The following BICDL1 variants were observed in gnomAD, a reference collection of about 807,000 sequenced individuals.
The protein encoded by BICDL1 is BICD family like cargo adaptor 1, also known as BICD family-like cargo adapter 1.
BICDL1 carries 20 observed loss-of-function variants against 76.8 expected under a neutral mutation model. That is an observed-to-expected ratio of 0.26 (90% CI 0.18 to 0.38). BICDL1 has a LOEUF of 0.38. BICDL1 is among the 10% of genes least tolerant of loss of function. BICDL1 has a pLI of 1.00. For synonymous variants in BICDL1, 383 were observed against 337.1 expected, an observed-to-expected ratio of 1.14 and a Z score of -1.49; for missense variants, 700 against 798.6, an observed-to-expected ratio of 0.88 and a Z score of 1.49.
intron 6 of BICDL1, 98 bp downstream of exon 6, chr12:120,072,827 C>A: frequency 1.0e-6 from 1 of 978,946 alleles, no homozygotes; most frequent in Non-Finnish European, 1.5e-6. Context: ...GGAACTGGAA[C>A]CCTATAAAAT....
Position 120,064,873 on chromosome 12 carries a change from C to A in BICDL1, c.903C>A (p.Asp301Glu), listed in dbSNP as rs754517970. ...TGGAGAGGCAGGGCCATGACAAGGA[C>A]CTACAGGTACTGGGGTAGAGAAGCT... ...LILERQGHDK[D>E]LQLHQSQLEL... The change falls in exon 4 of 10, where the codon GAC becomes GAA. Residue 301 changes from aspartate to glutamate, a missense_variant. Around this residue, in one of 3 missense-constraint regions of BICDL1, gnomAD observed 455 missense variants for 548.7 expected, o/e 0.83. Transcript: ENST00000548673. The A allele has an allele frequency of 3.1e-6, 5 of 1,607,504 alleles. No homozygotes were observed. The highest frequency in any genetic ancestry group is 4.2e-6 in the Non-Finnish European group (5 of 1,177,508).
intron 6 of BICDL1, among the ~76,000 whole-genome samples, chr12:120,074,115 G>A (rs551695267): frequency 2.7e-4 from 41 of 152,028 alleles, no homozygotes; most frequent in East Asian, 2.3e-3. Flanking sequence ...GGGTTTCACC[G>A]TGTTAGCCAG....
intron 5 of BICDL1, 90 bp from the exon 6 acceptor site, chr12:120,072,421 A>G (rs1873177788): frequency 8.6e-7 from 1 of 1,157,614 alleles, no homozygotes; most frequent in Non-Finnish European, 1.3e-6. Context: ...TGTCTTGGGT[A>G]TCAGTATTTT....
Position 120,016,773 on chromosome 12 carries a change from A to T in BICDL1, c.645+18037A>T, listed in dbSNP as rs1321511602. ...ACTTATTTTCAAAGAAGCTTGTACCAGTTTATATTCCTACCAACAATGCGT... is the reference window on the plus strand; with the variant it reads ...ACTTATTTTCAAAGAAGCTTGTACCTGTTTATATTCCTACCAACAATGCGT... On this transcript the variant is annotated intron_variant, in intron 2 of 9. Transcript: ENST00000548673. Among the ~76,000 whole-genome samples, 3 of 152,164 alleles carry T rather than the reference A, an allele frequency of 2.0e-5. No individual in the cohort carries two copies. The South Asian group carries it at 6.2e-4, about 32-fold the overall frequency.
At chr12:120,051,389 C>T (rs968823577) in intron 2 of BICDL1, among the ~76,000 whole-genome samples, 3 of 152,230 alleles carry the variant, frequency 2.0e-5, no homozygotes, top group African/African-American at 4.8e-5. Context: ...AACATAGCAG[C>T]GTTGTCTTAT....
chr12:120,084,826 G>A (rs545610655), intron 8 of BICDL1, among the ~76,000 whole-genome samples: 1 of 151,320 alleles, frequency 6.6e-6, no homozygotes, highest in East Asian at 2.0e-4. Context: ...GGAGGCAGAA[G>A]TTGTAGTGAG....
chr12:120,014,019 G>A (rs1335292585), intron 2 of BICDL1, among the ~76,000 whole-genome samples: 1 of 152,192 alleles, frequency 6.6e-6, no homozygotes, highest in African/African-American at 2.4e-5. Context: ...TAAGGCCGTA[G>A]GAGGATGTGA....
chr12:120,077,318 G>A (rs967080912), intron 7 of BICDL1, among the ~76,000 whole-genome samples: 11 of 152,200 alleles, frequency 7.2e-5, no homozygotes, highest in Non-Finnish European at 1.6e-4. Context: ...AGTCCTTCCT[G>A]TGGTGGTGTG....
At position 120,015,139 on chromosome 12, in the gene BICDL1, TGCA is replaced by T. The variant is rs1952034393; in HGVS notation, c.645+16405_645+16407del. The stretch of plus-strand genomic sequence containing the variant: ...ATTCAAGAGTCTGCCCCTTCCCACT[TGCA>T]GTGGGAAGGGAAAGCTTGTTGAAGC... On this transcript the variant is annotated intron_variant, in intron 2 of 9. Coordinates refer to ENST00000548673, the MANE Select transcript of BICDL1 (RefSeq NM_001367886.1). Among the ~76,000 whole-genome samples, 5 of 152,300 alleles carry T rather than the reference TGCA, an allele frequency of 3.3e-5. No homozygotes were observed. In the South Asian group the frequency reaches 1.0e-3, roughly 32 times the overall value.
intron 9 of BICDL1, chr12:120,091,127 C>T: frequency 8.1e-7 from 1 of 1,238,226 alleles, no homozygotes; most frequent in Non-Finnish European, 1.0e-6. Context: ...AGCCTGGCGT[C>T]ATCTCTGTGC....
At chr12:120,017,346 A>G (rs994272936) in intron 2 of BICDL1, among the ~76,000 whole-genome samples, 1 of 152,254 alleles carries the variant, frequency 6.6e-6, no homozygotes, top group African/African-American at 2.4e-5. Context: ...CGGTGTCCCC[A>G]AAGGATTCAT....
At chr12:120,082,905 A>G (rs1039837770) in intron 8 of BICDL1, among the ~76,000 whole-genome samples, 3 of 150,804 alleles carry the variant, frequency 2.0e-5, no homozygotes, top group Non-Finnish European at 4.4e-5. Context: ...TTTTGAGAGA[A>G]ATTCTCACTC....
chr12:120,080,828 T>G, intron 7 of BICDL1, 59 bp from the exon 8 acceptor site: 1 of 1,591,830 alleles, frequency 6.3e-7, no homozygotes, highest in South Asian at 1.1e-5. Context: ...CCTTTTTCCC[T>G]CTTGGAGGGA....
At chr12:120,053,976 C>T (rs924110179) in intron 2 of BICDL1, among the ~76,000 whole-genome samples, 3 of 151,958 alleles carry the variant, frequency 2.0e-5, no homozygotes, top group African/African-American at 7.2e-5. Context: ...AGTTTGAAAC[C>T]AGCCTGACCA....
chr12:120,034,545 G>A (rs983478266), intron 2 of BICDL1, among the ~76,000 whole-genome samples: 2 of 152,180 alleles, frequency 1.3e-5, no homozygotes, highest in African/African-American at 4.8e-5. Context: ...CCCTTATTGG[G>A]ATTTGGCTTC....
At chr12:120,089,288 GTA>G (rs1365865621) in intron 8 of BICDL1, among the ~76,000 whole-genome samples, 63 of 132,194 alleles carry the variant, frequency 4.8e-4, no homozygotes, top group African/African-American at 1.5e-3. Context: ...GTGTGTGTGT[GTA>G]TGTGTGTGTG....
chr12:120,083,615 AAATATT>A (rs1874160997), intron 8 of BICDL1, among the ~76,000 whole-genome samples: 1 of 151,222 alleles, frequency 6.6e-6, no homozygotes, highest in African/African-American at 2.4e-5. Context: ...GTCATTTACA[AAATATT>A]AATAGTAGTA....
chr12:120,040,207 A>C (rs1236574105), intron 2 of BICDL1, among the ~76,000 whole-genome samples: 1 of 151,912 alleles, frequency 6.6e-6, no homozygotes, highest in Non-Finnish European at 1.5e-5. Context: ...GGTTCAAGCC[A>C]TTCTCCTGCC....
chr12:120,055,263 T>G (rs1199683053), intron 2 of BICDL1, among the ~76,000 whole-genome samples: 4 of 152,236 alleles, frequency 2.6e-5, no homozygotes, highest in Non-Finnish European at 5.9e-5. Flanking sequence ...AACAAATAAG[T>G]AAACTGGATA....
Sources: allele counts gnomAD v4.1 joint callset (sites outside exome capture counted in the v4.1 genomes callset), GRCh38; gene constraint gnomAD v4.1.1; regional missense constraint gnomAD v4.1.1; transcripts MANE v1.5; gene names NCBI Gene and HGNC (gene_info 2026-07-23, HGNC 2026-07-21).